The following ANKRD34C variants were observed in gnomAD, a reference collection of about 807,000 sequenced individuals.
ANKRD34C encodes ankyrin repeat domain 34C, also known as ankyrin repeat domain-containing protein 34C.
For missense variants in ANKRD34C, 563 were observed against 653.0 expected (o/e 0.86, Z 1.50); for synonymous variants, 260 against 253.6 (o/e 1.03, Z -0.24).
In ANKRD34C at chr15:79,284,885, A is replaced by T. The variant is rs1051716415; in HGVS notation, c.-45+1657A>T. On this transcript the variant is annotated intron_variant, in intron 1 of 1. Coordinates refer to ENST00000421388, the MANE Select transcript of ANKRD34C (RefSeq NM_001146341.2). Reference sequence around the variant, plus strand: ...ATAATCCTTCCACATGGACTGGCACATCCTCAGGAGCTTGAATTATGGGGC... The same window carrying T: ...ATAATCCTTCCACATGGACTGGCACTTCCTCAGGAGCTTGAATTATGGGGC... Among the ~76,000 whole-genome samples the T allele has an allele frequency of 2.0e-5, 3 of 152,216 alleles. No homozygotes were observed. In the East Asian group the frequency reaches 5.8e-4, roughly 29 times the overall value.
chr15:79,288,010 G>A (rs1349109744), intron 1 of ANKRD34C, among the ~76,000 whole-genome samples: 1 of 152,184 alleles, frequency 6.6e-6, no homozygotes, highest in Admixed American at 6.5e-5. Context: ...GCAGGGGAAG[G>A]CAGGAATAAT....
Position 79,294,617 on chromosome 15 carries a change from C to T in ANKRD34C, c.1333C>T (p.Arg445Ter), listed in dbSNP as rs1161496301. The T allele has an allele frequency of 4.5e-6, 7 of 1,551,600 alleles. No individual in the cohort carries two copies. Among genetic ancestry groups the T allele is most frequent in the East Asian group, 4.9e-5 (2 of 40,940 alleles). Residue 445 changes from arginine to a stop codon, truncating the protein, a stop_gained, in exon 2 of 2, where the codon CGA (arginine) becomes TGA (stop). Coordinates refer to ENST00000421388, the MANE Select transcript of ANKRD34C (RefSeq NM_001146341.2). LOFTEE classifies it low-confidence loss of function (END_TRUNC). Reference protein sequence around the residue: ...RRRPPHLLERRGSGTLLLDRI... With the variant: ...RRRPPHLLER ...CAGGCCGCCACATCTTCTAGAACGA[C>T]GAGGTTCTGGAACTCTGCTCCTTGA...
chr15:79,293,916 G>T lies in ANKRD34C; in HGVS notation c.632G>T (p.Ser211Ile). Residue 211 changes from serine to isoleucine, a missense_variant, in exon 2 of 2, where the codon AGC (serine) becomes ATC (isoleucine). Transcript: ENST00000421388. Reference protein sequence around the residue: ...PLTEKEDDFFSLQAGHPSSCN... With the variant: ...PLTEKEDDFFILQAGHPSSCN... Reference sequence around the variant, plus strand: ...ACTGAGAAGGAAGATGACTTCTTCAGCCTCCAAGCAGGGCATCCAAGCAGT... The same window carrying T: ...ACTGAGAAGGAAGATGACTTCTTCATCCTCCAAGCAGGGCATCCAAGCAGT... 1 of 1,551,660 alleles carries T rather than the reference G, an allele frequency of 6.4e-7. No individual in the cohort carries two copies.
intron 1 of ANKRD34C, among the ~76,000 whole-genome samples, chr15:79,292,288 T>G (rs2058661863): frequency 6.6e-6 from 1 of 152,196 alleles, no homozygotes; most frequent in Non-Finnish European, 1.5e-5. Context: ...TTCTTATTTG[T>G]GAAGGGCCTC....
intron 1 of ANKRD34C, among the ~76,000 whole-genome samples, chr15:79,286,322 AAC>A (rs1473174240): frequency 2.0e-5 from 3 of 152,134 alleles, no homozygotes; most frequent in Non-Finnish European, 4.4e-5. Context: ...CTTCTTATGA[AAC>A]ACATGAAAAA....
At position 79,293,974 on chromosome 15, in the gene ANKRD34C, G is replaced by T. The variant is rs770969133; in HGVS notation, c.690G>T (p.Gly230=). The change falls in exon 2 of 2, where the codon GGG becomes GGT. Residue 230 remains glycine (G), a synonymous_variant. Coordinates refer to ENST00000421388, the MANE Select transcript of ANKRD34C (RefSeq NM_001146341.2). ...CCTCCAAGGCTGTTAATGAGCCTGGGTCACCCACCAGGAAAGTCAGTAATC... is the reference window on the plus strand; with the variant it reads ...CCTCCAAGGCTGTTAATGAGCCTGGTTCACCCACCAGGAAAGTCAGTAATC... ...CNTSKAVNEP[G]SPTRKVSNLK... The T allele has an allele frequency of 5.8e-6, 9 of 1,551,654 alleles. No homozygotes were observed. Among genetic ancestry groups the T allele is most frequent in the South Asian group, 4.8e-5 (4 of 84,046 alleles).
intron 1 of ANKRD34C, among the ~76,000 whole-genome samples, chr15:79,285,490 A>G (rs894454189): frequency 1.3e-5 from 2 of 152,230 alleles, no homozygotes; most frequent in African/African-American, 2.4e-5. Context: ...TAAAGTTTAT[A>G]TAAAGGTTTA....
rs2058668290 is a variant in ANKRD34C at position 79,294,684 on chromosome 15, A to G, written c.1400A>G (p.Asn467Ser). The change falls in exon 2 of 2, where the codon AAT becomes AGT. Residue 467 changes from asparagine (N) to serine (S), a missense_variant. Transcript: ENST00000421388. ...HTRPGFLPPL[N>S]VNLNPPIPDI... ...AGGCCTGGCTTCCTGCCGCCTTTAA[A>G]TGTGAATCTGAACCCGCCTATTCCA... The G allele has an allele frequency of 1.9e-6, 3 of 1,551,550 alleles. No individual in the cohort carries two copies.
Position 79,297,043 on chromosome 15 carries a change from G to A in ANKRD34C, c.*2151G>A, listed in dbSNP as rs1200806789. ...TGTGCTAATGGTCTCATACTTTGTA[G>A]GAAGGGAAGAAAATAAGGAAAGCAC... On this transcript the variant is annotated 3_prime_UTR_variant, in exon 2 of 2. Transcript: ENST00000421388. The A allele has an allele frequency of 1.2e-5, 2 of 167,176 alleles. No homozygotes were observed. The highest frequency in any genetic ancestry group is 3.9e-4 in the East Asian group (2 of 5,190). The allele number at this position is 167,176 out of a possible 1,614,324, so 10.4% of individuals were successfully genotyped here. A position where few individuals can be genotyped will look rare whatever the true frequency, so the allele number is the denominator to read the frequency against.
At position 79,293,317 on chromosome 15, in the gene ANKRD34C, T is replaced by C. The variant is rs1248706522; in HGVS notation, c.33T>C (p.Asp11=). 2.6e-6 allele frequency: 4 copies of C among 1,541,676 alleles called. No homozygotes were observed. Among genetic ancestry groups the C allele is most frequent in the Non-Finnish European group, 1.8e-6 (2 of 1,142,462 alleles). Residue 11 remains aspartate, a synonymous_variant, in exon 2 of 2, where the codon GAT becomes GAC. Coordinates refer to ENST00000421388, the MANE Select transcript of ANKRD34C (RefSeq NM_001146341.2). Reference sequence around the variant, plus strand: ...ATGATGACACTGAATTAAGGACTGATGGAAACTCTTTGTTAAAGGCTGTGT... The same window carrying C: ...ATGATGACACTGAATTAAGGACTGACGGAAACTCTTTGTTAAAGGCTGTGT... MMDDDTELRT[D]GNSLLKAVWL...
chr15:79,295,137 A>T lies in ANKRD34C; in HGVS notation c.*245A>T. On this transcript the variant is annotated 3_prime_UTR_variant, in exon 2 of 2. Transcript: ENST00000421388. ...AAAGGAAGAAAGCCTTTGGAATTTG[A>T]AGGTAACACAGCAAGTACAATGATG... The T allele has an allele frequency of 2.1e-6, 1 of 482,408 alleles. No individual in the cohort carries two copies. The allele number at this position is 482,408 out of a possible 1,614,324, so 29.9% of individuals were successfully genotyped here. A position where few individuals can be genotyped will look rare whatever the true frequency, so the allele number is the denominator to read the frequency against.
chr15:79,295,094 A>T lies in ANKRD34C; in HGVS notation c.*202A>T. ...TCAGGATAATTGGGTTTTGAAGATAAATTTTTAAAAATTCTGCAAAGGAAG... is the reference window on the plus strand; with the variant it reads ...TCAGGATAATTGGGTTTTGAAGATATATTTTTAAAAATTCTGCAAAGGAAG... On this transcript the variant is annotated 3_prime_UTR_variant, in exon 2 of 2. Coordinates refer to ENST00000421388, the MANE Select transcript of ANKRD34C (RefSeq NM_001146341.2). 1 of 586,184 alleles carries T rather than the reference A, an allele frequency of 1.7e-6. No homozygotes were observed. The highest frequency in any genetic ancestry group is 2.8e-6 in the Non-Finnish European group (1 of 351,818). 36.3% of individuals were successfully genotyped at this position (586,184 alleles called of 1,614,324 possible).
chr15:79,297,643 G>A lies in ANKRD34C; in HGVS notation c.*2751G>A, dbSNP rs1215492796. 1 of 167,038 alleles carries A rather than the reference G, an allele frequency of 6.0e-6. No individual in the cohort carries two copies. Among genetic ancestry groups the A allele is most frequent in the Non-Finnish European group, 1.5e-5 (1 of 68,122 alleles). 10.3% of individuals were successfully genotyped at this position (167,038 alleles called of 1,614,324 possible). On this transcript the variant is annotated 3_prime_UTR_variant, in exon 2 of 2. Transcript: ENST00000421388. ...GTATCTTATCTCATCACTACTTGAC[G>A]ATGAGTTCGCCGAATTAGACTGTTC...
chr15:79,294,674 C>T lies in ANKRD34C; in HGVS notation c.1390C>T (p.Pro464Ser). 2 of 1,551,734 alleles carry T rather than the reference C, an allele frequency of 1.3e-6. No individual in the cohort carries two copies. Among genetic ancestry groups the T allele is most frequent in the Non-Finnish European group, 1.7e-6 (2 of 1,146,998 alleles). The change falls in exon 2 of 2, where the codon CCG becomes TCG. Residue 464 changes from proline to serine, a missense_variant. Physicochemically the swap from Pro to Ser is moderately conservative, Grantham distance 74 (BLOSUM62 -1). Transcript: ENST00000421388. ...RISHTRPGFL[P>S]PLNVNLNPPI... is the part of the protein sequence containing the mutation. ...TTCTCACACTAGGCCTGGCTTCCTG[C>T]CGCCTTTAAATGTGAATCTGAACCC...
At chr15:79,291,486 A>G (rs923038784) in intron 1 of ANKRD34C, among the ~76,000 whole-genome samples, 3 of 151,764 alleles carry the variant, frequency 2.0e-5, no homozygotes, top group Admixed American at 6.6e-5. Flanking sequence ...GCTTTAACAC[A>G]ACAATGCTGT....
At chr15:79,285,110 G>A (rs781278915) in intron 1 of ANKRD34C, among the ~76,000 whole-genome samples, 13 of 152,154 alleles carry the variant, frequency 8.5e-5, no homozygotes, top group East Asian at 1.9e-4. Context: ...CGAAGTAGTC[G>A]AGAAAACAGA....
At chr15:79,289,945 GAT>G (rs966544711) in intron 1 of ANKRD34C, among the ~76,000 whole-genome samples, 1 of 152,188 alleles carries the variant, frequency 6.6e-6, no homozygotes, top group African/African-American at 2.4e-5. Flanking sequence ...AAAAGAAAAA[GAT>G]AGAGAATATA....
Position 79,296,422 on chromosome 15 carries a change from T to G in ANKRD34C, c.*1530T>G, listed in dbSNP as rs1332830797. ...AAGTAGCTAATTTTAATGTATTTCTTGAGACTGCTGAAGCAATATCTCAAA... is the reference window on the plus strand; with the variant it reads ...AAGTAGCTAATTTTAATGTATTTCTGGAGACTGCTGAAGCAATATCTCAAA... On this transcript the variant is annotated 3_prime_UTR_variant, in exon 2 of 2. Coordinates refer to ENST00000421388, the MANE Select transcript of ANKRD34C (RefSeq NM_001146341.2). 6.0e-6 allele frequency: 1 copy of G among 167,104 alleles called. No homozygotes were observed. Among genetic ancestry groups the G allele is most frequent in the Non-Finnish European group, 1.5e-5 (1 of 68,120 alleles). The allele number at this position is 167,104 out of a possible 1,614,324, so 10.4% of individuals were successfully genotyped here.
Position 79,294,495 on chromosome 15 carries a change from A to G in ANKRD34C, c.1211A>G (p.Asp404Gly). The part of the protein sequence containing the change: ...ISLESGKGPL[D>G]RKKLNSSHLS... Reference sequence around the variant, plus strand: ...CTTGAATCCGGCAAAGGACCTTTAGATAGAAAGAAGCTCAACAGCTCTCAC... The same window carrying G: ...CTTGAATCCGGCAAAGGACCTTTAGGTAGAAAGAAGCTCAACAGCTCTCAC... Residue 404 changes from aspartate to glycine, a missense_variant, in exon 2 of 2, where the codon GAT becomes GGT. By Grantham distance (94) the Asp-to-Gly change is moderately conservative (BLOSUM62 -1). Transcript: ENST00000421388. 3.2e-6 allele frequency: 5 copies of G among 1,551,696 alleles called. No homozygotes were observed. Among genetic ancestry groups the G allele is most frequent in the Non-Finnish European group, 4.4e-6 (5 of 1,146,986 alleles).
Sources: gnomAD v4.1 joint callset for allele counts (sites outside exome capture counted in the v4.1 genomes callset) on GRCh38, gnomAD v4.1.1 for gene constraint, MANE v1.5 for transcripts, NCBI Gene and HGNC (gene_info 2026-07-23, HGNC 2026-07-21) for gene names.